The following RAPGEF1 variants were observed in gnomAD, a reference collection of about 807,000 sequenced individuals.
RAPGEF1 encodes the protein CRK SH3-binding GNRP.
A neutral mutation model predicts 143.3 loss-of-function variants in RAPGEF1; 33 were observed. That is an observed-to-expected ratio of 0.23 (90% CI 0.17 to 0.31). The LOEUF (loss-of-function observed/expected upper bound fraction) is 0.31. Among genes scored for constraint, RAPGEF1 ranks in the 10% least tolerant of loss-of-function variants. RAPGEF1 has a pLI of 1.00. For synonymous variants in RAPGEF1, 629 were observed against 676.5 expected (o/e 0.93, Z 1.09); for missense variants, 1,199 against 1,645.4 (o/e 0.73, Z 4.69).
chr9:131,638,588 G>T (rs1211504232), intron 5 of RAPGEF1, 47 bp downstream of exon 5: 4 of 1,600,280 alleles, frequency 2.5e-6, no homozygotes, highest in South Asian at 1.1e-5. Context: ...CAGCAGGCAG[G>T]CTGCTCTAAG....
rs1244437180 is a variant in RAPGEF1, at chr9:131,641,542, T to C, written c.494+1697A>G. 6.6e-6 allele frequency among the ~76,000 whole-genome samples: 1 copy of C among 152,208 alleles called. No homozygotes were observed. Among genetic ancestry groups the C allele is most frequent in the African/African-American group, 2.4e-5 (1 of 41,446 alleles). ...CCAACACAGCTTCCTCCCTGTACCG[T>C]AAAATAAGTGCTTTATCGTAGAACA... On this transcript the variant is annotated intron_variant, in intron 4 of 26. Coordinates refer to ENST00000683357, the MANE Select transcript of RAPGEF1 (RefSeq NM_001377935.1). This position sits in a 1 kb window ranked among gnomAD's most constrained non-coding sequence, Gnocchi z 4.6.
intron 4 of RAPGEF1, among the ~76,000 whole-genome samples, chr9:131,639,340 G>A (rs915364057): frequency 6.6e-6 from 1 of 152,138 alleles, no homozygotes; most frequent in Non-Finnish European, 1.5e-5. Context: ...TGAGACAGAC[G>A]TCAGGAGCGC....
At chr9:131,611,391 C>A (rs146549819) in intron 12 of RAPGEF1, among the ~76,000 whole-genome samples, 1 of 152,166 alleles carries the variant, frequency 6.6e-6, no homozygotes, top group Non-Finnish European at 1.5e-5. Flanking sequence ...AACAAAAATG[C>A]GTTGCTTGGG....
intron 1 of RAPGEF1, among the ~76,000 whole-genome samples, chr9:131,736,408 T>C (rs1012277408): frequency 6.6e-6 from 1 of 152,204 alleles, no homozygotes; most frequent in Non-Finnish European, 1.5e-5. Context: ...TGCCACCCTC[T>C]GGCCCAGACT....
intron 15 of RAPGEF1, among the ~76,000 whole-genome samples, chr9:131,600,080 C>T (rs1192343710): frequency 6.6e-6 from 1 of 151,958 alleles, no homozygotes; most frequent in Non-Finnish European, 1.5e-5. Context: ...CGCACCACTG[C>T]ACTCCAGCCT....
intron 1 of RAPGEF1, among the ~76,000 whole-genome samples, chr9:131,682,376 T>C (rs367971338): frequency 6.6e-6 from 1 of 152,190 alleles, no homozygotes. Flanking sequence ...GCTCAGGCCA[T>C]TCCATCACCT....
chr9:131,674,600 A>G (rs902955481), intron 1 of RAPGEF1, among the ~76,000 whole-genome samples: 6 of 152,144 alleles, frequency 3.9e-5, no homozygotes, highest in Non-Finnish European at 7.4e-5. Context: ...CTAGGGCTGG[A>G]GCTCTGGCTG....
chr9:131,628,057 C>T lies in RAPGEF1; in HGVS notation c.1057G>A (p.Gly353Arg). The change falls in exon 9 of 27, where the codon GGA (glycine) becomes AGA (arginine). Residue 353 changes from glycine to arginine, a missense_variant. By Grantham distance (125) the Gly-to-Arg change is moderately radical (BLOSUM62 -2). Around this residue, in one of 6 missense-constraint regions of RAPGEF1, gnomAD observed 613 missense variants for 710.9 expected, o/e 0.86. Transcript: ENST00000683357. This position sits in a 1 kb window ranked among gnomAD's most constrained non-coding sequence, Gnocchi z 5.7. The stretch of plus-strand genomic sequence containing the variant: ...TCTCCACCATATGAGTGGCTGCCTC[C>T]TGACAGTCGCCTCTGTGCGTAACAG... ...VDCYAQRRLSGGSHSYGGESP... is the reference protein window; with the variant it reads ...VDCYAQRRLSRGSHSYGGESP... 3 of 1,570,454 alleles carry T rather than the reference C, an allele frequency of 1.9e-6. No individual in the cohort carries two copies. Among genetic ancestry groups the T allele is most frequent in the Non-Finnish European group, 2.6e-6 (3 of 1,158,198 alleles).
At chr9:131,680,900 G>C (rs750606434) in intron 1 of RAPGEF1, among the ~76,000 whole-genome samples, 2 of 152,248 alleles carry the variant, frequency 1.3e-5, no homozygotes, top group Non-Finnish European at 2.9e-5. Flanking sequence ...CGTCCATCGT[G>C]GGGGCTCGAA....
At position 131,577,383 on chromosome 9, in the gene RAPGEF1, C is replaced by A. The variant is rs578052039; in HGVS notation, c.*2114G>T. 1 of 152,408 alleles carries A rather than the reference C, an allele frequency of 6.6e-6. No individual in the cohort carries two copies. Among genetic ancestry groups the A allele is most frequent in the East Asian group, 1.9e-4 (1 of 5,186 alleles). The allele number at this position is 152,408 out of a possible 1,614,324, so 9.4% of individuals were successfully genotyped here. ...GAAGGTGAAGAGACCCCACCTCTAT[C>A]CAGCTCAAGCCCAAGAACAAGGCAG... On this transcript the variant is annotated 3_prime_UTR_variant, in exon 27 of 27. Coordinates refer to ENST00000683357, the MANE Select transcript of RAPGEF1 (RefSeq NM_001377935.1).
intron 1 of RAPGEF1, among the ~76,000 whole-genome samples, chr9:131,687,511 T>A (rs1833450187): frequency 6.6e-6 from 1 of 152,176 alleles, no homozygotes; most frequent in South Asian, 2.1e-4. Context: ...AGAATTCCCA[T>A]TCACTCCTCC....
chr9:131,721,662 C>T (rs1221754279), intron 1 of RAPGEF1, among the ~76,000 whole-genome samples: 1 of 151,936 alleles, frequency 6.6e-6, no homozygotes, highest in African/African-American at 2.4e-5. Flanking sequence ...ATTTGGCCCT[C>T]TGTAGCCATG....
intron 1 of RAPGEF1, among the ~76,000 whole-genome samples, chr9:131,679,428 G>A (rs1020724039): frequency 3.4e-4 from 52 of 152,170 alleles, no homozygotes; most frequent in African/African-American, 1.2e-3. Context: ...AAAAGGGAAC[G>A]GTGGATTAGA....
intron 3 of RAPGEF1, 115 bp from the exon 4 acceptor site, chr9:131,643,532 C>G: frequency 9.6e-7 from 1 of 1,046,468 alleles, no homozygotes. Flanking sequence ...TGGAAAGGCT[C>G]TTGCTACAGA....
chr9:131,682,536 A>G (rs953069766), intron 1 of RAPGEF1, among the ~76,000 whole-genome samples: 1 of 152,218 alleles, frequency 6.6e-6, no homozygotes, highest in Non-Finnish European at 1.5e-5. Flanking sequence ...TTTTAAGTTT[A>G]AAAGGGGTGC....
chr9:131,713,605 T>C (rs1360811561), intron 1 of RAPGEF1, among the ~76,000 whole-genome samples: 2 of 152,202 alleles, frequency 1.3e-5, no homozygotes, highest in Non-Finnish European at 2.9e-5. Flanking sequence ...TCACATACAT[T>C]CATGTGTACC....
intron 4 of RAPGEF1, among the ~76,000 whole-genome samples, chr9:131,639,352 C>T (rs1042583267): frequency 6.6e-6 from 1 of 151,984 alleles, no homozygotes; most frequent in African/African-American, 2.4e-5. Flanking sequence ...CAGGAGCGCA[C>T]GAATGAAGAC....
chr9:131,599,986 C>T (rs754776141), intron 15 of RAPGEF1, among the ~76,000 whole-genome samples: 3 of 152,224 alleles, frequency 2.0e-5, no homozygotes, highest in East Asian at 1.9e-4. Context: ...GGCGTGGTGG[C>T]GCTTGCCTGT....
chr9:131,635,863 T>C (rs559978278), intron 5 of RAPGEF1, among the ~76,000 whole-genome samples: 3 of 152,126 alleles, frequency 2.0e-5, no homozygotes, highest in South Asian at 2.1e-4. Flanking sequence ...TTATGGAGGG[T>C]TGTCATGAGT....
Sources: allele counts gnomAD v4.1 joint callset (sites outside exome capture counted in the v4.1 genomes callset), GRCh38; gene constraint gnomAD v4.1.1; regional missense constraint gnomAD v4.1.1; non-coding constraint Gnocchi (gnomAD v3.1); transcripts MANE v1.5; gene names NCBI Gene and HGNC (gene_info 2026-07-23, HGNC 2026-07-21).